Variants in GABPB1 observed in about 807,000 individuals in gnomAD.
GABPB1 encodes GA-binding protein subunit beta-1.
Under a neutral mutation model 45.9 loss-of-function variants are expected in GABPB1, and 15 were observed. That is an observed-to-expected ratio of 0.33 (90% CI 0.22 to 0.50). The LOEUF is 0.50. Among genes scored for constraint, GABPB1 ranks in the 20% least tolerant of loss-of-function variants. GABPB1 has a pLI of 0.98. For synonymous variants in GABPB1, 143 were observed against 154.4 expected (o/e 0.93, Z 0.55); for missense variants, 252 against 457.5 (o/e 0.55, Z 4.10).
At position 50,316,036 on chromosome 15, in the gene GABPB1, CT is replaced by C. The variant is rs770741502; in HGVS notation, c.1-6239del. ...CAAGATTGCTCCACTGCACTCCAGC[CT>C]GGGCAACAGAGCAAGACTGTCTCAA... On this transcript the variant is annotated intron_variant, in intron 1 of 8. Coordinates refer to ENST00000380877, the MANE Select transcript of GABPB1 (RefSeq NM_016654.5). Among the ~76,000 whole-genome samples the C allele has an allele frequency of 3.3e-5, 5 of 152,256 alleles. No individual in the cohort carries two copies. In the South Asian group the frequency reaches 1.0e-3, roughly 32 times the overall value.
intron 6 of GABPB1, among the ~76,000 whole-genome samples, chr15:50,293,277 C>CT (rs1239931846): frequency 1.3e-5 from 2 of 150,722 alleles, no homozygotes; most frequent in East Asian, 1.9e-4. Flanking sequence ...ATAGGAACTG[C>CT]TTTTTTTTTA....
chr15:50,308,600 C>T (rs999110448), intron 2 of GABPB1, among the ~76,000 whole-genome samples: 2 of 152,208 alleles, frequency 1.3e-5, no homozygotes, highest in Non-Finnish European at 2.9e-5. Flanking sequence ...TCCATGAACA[C>T]TCTCAGGTCT....
Position 50,326,098 on chromosome 15 carries a change from C to T in GABPB1, c.1-16300G>A, listed in dbSNP as rs571993081. Among the ~76,000 whole-genome samples, 5 of 151,214 alleles carry T rather than the reference C, an allele frequency of 3.3e-5. No homozygotes were observed. In the East Asian group the frequency reaches 8.0e-4, roughly 24 times the overall value. On this transcript the variant is annotated intron_variant, in intron 1 of 8. Transcript: ENST00000380877. ...AATTTTGTATTTTTAGTAGAGGCAG[C>T]GTTTCACCATGTTGGCCAGGCTAGT... is the stretch of plus-strand genomic sequence containing the variant.
At chr15:50,284,481 G>A (rs1229572661) in intron 8 of GABPB1, among the ~76,000 whole-genome samples, 1 of 151,988 alleles carries the variant, frequency 6.6e-6, no homozygotes, top group Non-Finnish European at 1.5e-5. Context: ...CATCTCCTTG[G>A]CCCTAGTTAC....
chr15:50,293,732 T>G (rs938036998), intron 6 of GABPB1, among the ~76,000 whole-genome samples: 2 of 152,228 alleles, frequency 1.3e-5, no homozygotes, highest in African/African-American at 4.8e-5. Context: ...AGAACTTTCA[T>G]CTTTGCACTA....
chr15:50,340,482 A>G (rs2048312296), intron 1 of GABPB1, among the ~76,000 whole-genome samples: 1 of 149,546 alleles, frequency 6.7e-6, no homozygotes, highest in South Asian at 2.1e-4. Context: ...CCCTGGACCC[A>G]CAACCCCAAC....
intron 8 of GABPB1, among the ~76,000 whole-genome samples, chr15:50,279,651 C>G (rs1293968287): frequency 6.6e-6 from 1 of 152,198 alleles, no homozygotes; most frequent in African/African-American, 2.4e-5. Flanking sequence ...CATTCCCACA[C>G]CTCTAAGTGA....
chr15:50,309,815 TG>T lies in GABPB1; in HGVS notation c.1-18del. 7.0e-7 allele frequency: 1 copy of T among 1,422,522 alleles called. No homozygotes were observed. Among genetic ancestry groups the T allele is most frequent in the Non-Finnish European group, 9.9e-7 (1 of 1,006,972 alleles). 88.1% of individuals were successfully genotyped at this position (1,422,522 alleles called of 1,614,324 possible). A position where few individuals can be genotyped will look rare whatever the true frequency, so the allele number is the denominator to read the frequency against. ...CAGGGACATCTAAACAAAACATAGA[TG>T]AACTGAACATCAAAATCTCCATTTA... On this transcript the variant is annotated intron_variant, in intron 1 of 8. Coordinates refer to ENST00000380877, the MANE Select transcript of GABPB1 (RefSeq NM_016654.5).
chr15:50,345,692 A>T (rs2048543381), intron 1 of GABPB1, among the ~76,000 whole-genome samples: 1 of 151,388 alleles, frequency 6.6e-6, no homozygotes, highest in South Asian at 2.1e-4. Context: ...TTTCCTCCCA[A>T]AGTACAGATG....
intron 6 of GABPB1, among the ~76,000 whole-genome samples, chr15:50,297,539 TATCTTC>T (rs1350759021): frequency 6.6e-6 from 1 of 152,172 alleles, no homozygotes; most frequent in Non-Finnish European, 1.5e-5. Flanking sequence ...GCTTTTAAAA[TATCTTC>T]AAAAAGATTC....
chr15:50,346,437 A>C (rs1176636122), intron 1 of GABPB1: 1 of 152,192 alleles, frequency 6.6e-6, no homozygotes. Flanking sequence ...GAAAAATCTG[A>C]CAACAGGAGT....
At chr15:50,352,734 C>A (rs758874056) in intron 1 of GABPB1, 6 of 152,222 alleles carry the variant, frequency 3.9e-5, no homozygotes, top group Non-Finnish European at 5.9e-5. Flanking sequence ...GAAGAATGAC[C>A]AGATGCTTCC....
intron 1 of GABPB1, among the ~76,000 whole-genome samples, chr15:50,315,795 A>G (rs768432072): frequency 1.3e-5 from 2 of 152,164 alleles, no homozygotes; most frequent in Non-Finnish European, 2.9e-5. Flanking sequence ...AAAATTCTGG[A>G]CGGGTGCAGT....
In GABPB1 at chr15:50,355,157, G is replaced by C. The variant is rs2049055111; in HGVS notation, c.-173C>G. Reference sequence around the variant, plus strand: ...CTGGTCGGCGCCCAAAATCCCCACCGAAAAGTCCCCCGTGCTGCGCGCGGA... The same window carrying C: ...CTGGTCGGCGCCCAAAATCCCCACCCAAAAGTCCCCCGTGCTGCGCGCGGA... On this transcript the variant is annotated 5_prime_UTR_variant, in exon 1 of 9. Coordinates refer to ENST00000380877, the MANE Select transcript of GABPB1 (RefSeq NM_016654.5). 1 of 153,164 alleles carries C rather than the reference G, an allele frequency of 6.5e-6. No individual in the cohort carries two copies. Among genetic ancestry groups the C allele is most frequent in the Admixed American group, 6.5e-5 (1 of 15,278 alleles). 9.5% of individuals were successfully genotyped at this position (153,164 alleles called of 1,614,324 possible). A position where few individuals can be genotyped will look rare whatever the true frequency, so the allele number is the denominator to read the frequency against.
intron 1 of GABPB1, among the ~76,000 whole-genome samples, chr15:50,318,130 C>T (rs767050429): frequency 1.1e-4 from 16 of 152,014 alleles, no homozygotes; most frequent in Non-Finnish European, 2.1e-4. Flanking sequence ...TCTAAAGGGC[C>T]TTAACAAGAT....
intron 1 of GABPB1, among the ~76,000 whole-genome samples, chr15:50,312,620 G>A (rs1797311): frequency 0.33 from 50,751 of 152,012 alleles, 9,430 homozygotes; most frequent in South Asian, 0.45. Context: ...ACAGAAGTAC[G>A]GTAAAATCTA....
intron 1 of GABPB1, among the ~76,000 whole-genome samples, chr15:50,345,205 A>C (rs1241807817): frequency 6.6e-6 from 1 of 152,254 alleles, no homozygotes; most frequent in African/African-American, 2.4e-5. Context: ...GAACATTAAA[A>C]AGCCTCAGTG....
intron 8 of GABPB1, among the ~76,000 whole-genome samples, chr15:50,279,607 G>A (rs1268823069): frequency 6.6e-6 from 1 of 152,098 alleles, no homozygotes; most frequent in Non-Finnish European, 1.5e-5. Flanking sequence ...TTCAGTTATT[G>A]CAGGAAAAAC....
In GABPB1 at chr15:50,277,132, C is replaced by A. The variant is rs1412515884; in HGVS notation, c.*1500G>T. On this transcript the variant is annotated 3_prime_UTR_variant, in exon 9 of 9. Transcript: ENST00000380877. ...GTTAACAAATTCTCAAGAGTTACCT[C>A]AGGAATTTTAAAGTCATGTTGTGGA... 2 of 152,040 alleles carry A rather than the reference C, an allele frequency of 1.3e-5. No individual in the cohort carries two copies. Among genetic ancestry groups the A allele is most frequent in the African/African-American group, 4.8e-5 (2 of 41,394 alleles). The allele number at this position is 152,040 out of a possible 1,614,324, so 9.4% of individuals were successfully genotyped here.
Sources: gnomAD v4.1 joint callset for allele counts (sites outside exome capture counted in the v4.1 genomes callset) on GRCh38, gnomAD v4.1.1 for gene constraint, MANE v1.5 for transcripts, NCBI Gene and HGNC (gene_info 2026-07-23, HGNC 2026-07-21) for gene names.